HEMK2: variants seen among roughly 807,000 people sequenced by gnomAD.
HEMK2 encodes HemK methyltransferase 2, ETF1 glutamine and histone H4 lysine.
At chr21:28,663,121 T>C in the HEMK2 span, among the ~76,000 whole-genome samples, 1 of 152,178 alleles carries the variant, frequency 6.6e-6, no homozygotes, top group East Asian at 1.9e-4. Flanking sequence ...TAATCTGATG[T>C]AAAGATATAA....
At chr21:28,712,456 C>T in the HEMK2 span, among the ~76,000 whole-genome samples, 5 of 152,262 alleles carry the variant, frequency 3.3e-5, no homozygotes, top group East Asian at 9.7e-4. Context: ...GTGATATAAA[C>T]CCACATAAGA....
At chr21:28,587,354 G>T in the HEMK2 span, among the ~76,000 whole-genome samples, 1 of 152,042 alleles carries the variant, frequency 6.6e-6, no homozygotes, top group Non-Finnish European at 1.5e-5. Flanking sequence ...TATAATAGTT[G>T]TGATATATTT....
chr21:28,844,641 T>C, the HEMK2 span, among the ~76,000 whole-genome samples: 12 of 152,082 alleles, frequency 7.9e-5, no homozygotes, highest in African/African-American at 2.9e-4. Flanking sequence ...GGCAAATGGC[T>C]TTCCCAAAAC....
chr21:28,762,432 A>AC, the HEMK2 span, among the ~76,000 whole-genome samples: 2 of 137,064 alleles, frequency 1.5e-5, no homozygotes, highest in Non-Finnish European at 1.5e-5. Flanking sequence ...CCCACTATAA[A>AC]AACAAGGCCT....
chr21:28,744,808 C>T, the HEMK2 span, among the ~76,000 whole-genome samples: 3 of 152,082 alleles, frequency 2.0e-5, no homozygotes, highest in African/African-American at 7.2e-5. Context: ...TATGTTAGAA[C>T]CATTCTGTTT....
At chr21:28,799,830 T>C in the HEMK2 span, among the ~76,000 whole-genome samples, 1 of 152,218 alleles carries the variant, frequency 6.6e-6, no homozygotes, top group African/African-American at 2.4e-5. Context: ...AAACTATCCA[T>C]ATTTTTGATC....
At chr21:28,728,309 A>G in the HEMK2 span, among the ~76,000 whole-genome samples, 8 of 152,240 alleles carry the variant, frequency 5.3e-5, no homozygotes, top group African/African-American at 1.9e-4. Flanking sequence ...GCCCTAAATA[A>G]TCTAATACAG....
chr21:28,587,345 A>T, the HEMK2 span, among the ~76,000 whole-genome samples: 2 of 152,158 alleles, frequency 1.3e-5, no homozygotes, highest in African/African-American at 4.8e-5. Flanking sequence ...TCTAATCCTT[A>T]TAATAGTTGT....
the HEMK2 span, among the ~76,000 whole-genome samples, chr21:28,749,044 A>T: frequency 2.6e-5 from 4 of 152,148 alleles, no homozygotes; most frequent in Admixed American, 6.5e-5. Context: ...AAGCAGAGTT[A>T]ATTTAGCTAA....
At chr21:28,795,731 A>T in the HEMK2 span, among the ~76,000 whole-genome samples, 1 of 152,248 alleles carries the variant, frequency 6.6e-6, no homozygotes. Flanking sequence ...AATGTTCAGG[A>T]AATGCAAACT....
At chr21:28,616,113 A>G in the HEMK2 span, among the ~76,000 whole-genome samples, 1 of 152,250 alleles carries the variant, frequency 6.6e-6, no homozygotes, top group Non-Finnish European at 1.5e-5. Flanking sequence ...TGGAAGCTTC[A>G]GTCACTGATC....
chr21:28,781,647 G>A, the HEMK2 span, among the ~76,000 whole-genome samples: 350 of 152,338 alleles, frequency 2.3e-3, 3 homozygotes, highest in African/African-American at 7.7e-3. Context: ...TGTGTGAACA[G>A]CTTAATTCTC....
chr21:28,879,462 G>C, the HEMK2 span, among the ~76,000 whole-genome samples: 1 of 152,170 alleles, frequency 6.6e-6, no homozygotes, highest in South Asian at 2.1e-4. Flanking sequence ...GGCTGGTCTT[G>C]AACCCTTGAC....
chr21:28,590,803 A>G, the HEMK2 span, among the ~76,000 whole-genome samples: 1 of 152,214 alleles, frequency 6.6e-6, no homozygotes, highest in Non-Finnish European at 1.5e-5. Context: ...AGCTGACGAG[A>G]CAGCCCCTCC....
At chr21:28,632,612 A>C in the HEMK2 span, among the ~76,000 whole-genome samples, 1 of 152,220 alleles carries the variant, frequency 6.6e-6, no homozygotes, top group Non-Finnish European at 1.5e-5. Context: ...ATCGATGTCA[A>C]CATTACCAAG....
chr21:28,883,158 T>C, the HEMK2 span: 30 of 812,646 alleles, frequency 3.7e-5, no homozygotes, highest in Non-Finnish European at 5.6e-5. Context: ...TTCTAGCATA[T>C]ATATTTCTCT....
the HEMK2 span, among the ~76,000 whole-genome samples, chr21:28,723,366 A>C: frequency 6.6e-6 from 1 of 152,136 alleles, no homozygotes; most frequent in Non-Finnish European, 1.5e-5. Flanking sequence ...GTCACTGCAC[A>C]CTTGCATGGA....
At chr21:28,792,986 GATT>G in the HEMK2 span, among the ~76,000 whole-genome samples, 2 of 152,178 alleles carry the variant, frequency 1.3e-5, no homozygotes, top group East Asian at 3.9e-4. Flanking sequence ...AGGCAACTTG[GATT>G]TATAATTACC....
chr21:28,768,427 AT>A, the HEMK2 span, among the ~76,000 whole-genome samples: 1 of 152,008 alleles, frequency 6.6e-6, no homozygotes, highest in Non-Finnish European at 1.5e-5. Flanking sequence ...GAGATAAAGG[AT>A]TTCCTGTGAG....
Sources: gnomAD v4.1 joint callset for allele counts (sites outside exome capture counted in the v4.1 genomes callset) on GRCh38, gnomAD v4.1.1 for gene constraint, MANE v1.5 for transcripts, NCBI Gene and HGNC (gene_info 2026-07-23, HGNC 2026-07-21) for gene names.